Variants in TENM2 observed in about 807,000 individuals in gnomAD.
TENM2 encodes the protein teneurin-2.
TENM2 carries 52 observed loss-of-function variants against 245.2 expected under a neutral mutation model. The observed-to-expected ratio is 0.21, with a 90% CI of 0.17 to 0.27. The LOEUF (loss-of-function observed/expected upper bound fraction) is 0.27. TENM2 is among the 10% of genes least tolerant of loss of function. The probability of loss-of-function intolerance (pLI) is 1.00; values close to 1 mark genes in which losing one functional copy is unlikely to be tolerated. For synonymous variants in TENM2, 1,363 were observed against 1,438.9 expected (o/e 0.95, Z 1.19); for missense variants, 3,046 against 3,666.8 (o/e 0.83, Z 4.37).
At chr5:167,211,456 A>G in the TENM2 span, among the ~76,000 whole-genome samples, 1 of 152,196 alleles carries the variant, frequency 6.6e-6, no homozygotes, top group African/African-American at 2.4e-5. Context: ...TTTATAATAC[A>G]TTTAGGCATA....
chr5:168,059,958 A>G (rs545957388), intron 6 of TENM2, among the ~76,000 whole-genome samples: 3 of 152,230 alleles, frequency 2.0e-5, no homozygotes, highest in African/African-American at 7.2e-5. Flanking sequence ...AAGCAGAGCA[A>G]GATACATTTA....
At chr5:167,996,121 G>A (rs1784031045) in intron 5 of TENM2, among the ~76,000 whole-genome samples, 1 of 152,126 alleles carries the variant, frequency 6.6e-6, no homozygotes, top group Non-Finnish European at 1.5e-5. Flanking sequence ...CCCGAAGAAA[G>A]AAGACTTTCC....
At chr5:168,217,396 TGTTA>T (rs1763293606) in intron 22 of TENM2, among the ~76,000 whole-genome samples, 1 of 152,196 alleles carries the variant, frequency 6.6e-6, no homozygotes, top group Admixed American at 6.5e-5. Flanking sequence ...TAGTTTGGGC[TGTTA>T]GAGAGGCAGA....
chr5:166,997,583 C>T, the TENM2 span, among the ~76,000 whole-genome samples: 3 of 152,054 alleles, frequency 2.0e-5, no homozygotes, highest in East Asian at 1.9e-4. Context: ...TTAACTAAAA[C>T]GTAAAGAATT....
At chr5:167,089,299 T>C in the TENM2 span, among the ~76,000 whole-genome samples, 1 of 152,236 alleles carries the variant, frequency 6.6e-6, no homozygotes, top group Non-Finnish European at 1.5e-5. Context: ...ATTACTGTGA[T>C]AGCATATAAC....
upstream of TENM2, among the ~76,000 whole-genome samples, chr5:167,281,849 A>C (rs1257591053): frequency 6.6e-6 from 1 of 151,896 alleles, no homozygotes; most frequent in Non-Finnish European, 1.5e-5. Flanking sequence ...AAATACAAGA[A>C]ATTAGCCAAG....
At chr5:167,294,095 A>G (rs1388483471) in intron 1 of TENM2, among the ~76,000 whole-genome samples, 1 of 152,098 alleles carries the variant, frequency 6.6e-6, no homozygotes, top group Non-Finnish European at 1.5e-5. Context: ...CTTTCTTGCA[A>G]CTGATGGGGT....
chr5:167,718,774 T>A (rs1759432696), intron 2 of TENM2, among the ~76,000 whole-genome samples: 1 of 147,752 alleles, frequency 6.8e-6, no homozygotes, highest in South Asian at 2.2e-4. Flanking sequence ...TTGGGTTGGA[T>A]TTTTTTTTTT....
intron 2 of TENM2, among the ~76,000 whole-genome samples, chr5:167,641,201 TA>T (rs1779592113): frequency 6.6e-6 from 1 of 152,006 alleles, no homozygotes; most frequent in Non-Finnish European, 1.5e-5. Context: ...TTGCAAAACC[TA>T]AAAGTTAATA....
intron 3 of TENM2, among the ~76,000 whole-genome samples, chr5:167,888,656 T>A (rs1042264643): frequency 5.9e-5 from 9 of 152,200 alleles, no homozygotes; most frequent in African/African-American, 2.2e-4. Flanking sequence ...AGAATCCAAA[T>A]AAACTAGTTA....
At chr5:167,364,636 A>C (rs995653760) in intron 1 of TENM2, among the ~76,000 whole-genome samples, 2 of 152,090 alleles carry the variant, frequency 1.3e-5, no homozygotes, top group African/African-American at 4.8e-5. Flanking sequence ...TTTATTGCTT[A>C]CAATAAAAAT....
At chr5:168,168,415 C>T (rs1346124298) in intron 13 of TENM2, among the ~76,000 whole-genome samples, 1 of 152,114 alleles carries the variant, frequency 6.6e-6, no homozygotes, top group Non-Finnish European at 1.5e-5. Flanking sequence ...CATGGTGGCT[C>T]ACGCCCGTAA....
At chr5:167,215,947 C>T in the TENM2 span, among the ~76,000 whole-genome samples, 2 of 152,066 alleles carry the variant, frequency 1.3e-5, no homozygotes, top group Non-Finnish European at 2.9e-5. Context: ...TTAAAATGTA[C>T]AATTCAGTGA....
intron 5 of TENM2, among the ~76,000 whole-genome samples, chr5:168,043,766 G>C (rs1271029147): frequency 1.3e-5 from 2 of 152,178 alleles, no homozygotes; most frequent in Non-Finnish European, 2.9e-5. Flanking sequence ...CTTCACTGAA[G>C]ACCCAGAATG....
chr5:167,256,737 T>C, the TENM2 span, among the ~76,000 whole-genome samples: 4 of 152,180 alleles, frequency 2.6e-5, no homozygotes. Context: ...AAGAGGATAA[T>C]ATATTTGGAT....
chr5:167,100,548 G>A, the TENM2 span, among the ~76,000 whole-genome samples: 1 of 152,130 alleles, frequency 6.6e-6, no homozygotes, highest in Non-Finnish European at 1.5e-5. Flanking sequence ...CATTGTTTTT[G>A]ATAAACGGAT....
intron 1 of TENM2, among the ~76,000 whole-genome samples, chr5:167,319,076 CA>C (rs1756556511): frequency 6.6e-6 from 1 of 152,048 alleles, no homozygotes; most frequent in Admixed American, 6.6e-5. Flanking sequence ...TACAGTTGGC[CA>C]ATTTAAAATG....
At chr5:167,450,343 T>C (rs1318240772) in intron 2 of TENM2, among the ~76,000 whole-genome samples, 1 of 152,174 alleles carries the variant, frequency 6.6e-6, no homozygotes, top group African/African-American at 2.4e-5. Context: ...CCTTAACACA[T>C]GCAGTCATAT....
At chr5:167,491,378 T>C (rs1031470533) in intron 2 of TENM2, among the ~76,000 whole-genome samples, 25 of 151,890 alleles carry the variant, frequency 1.6e-4, no homozygotes, top group African/African-American at 5.8e-4. Context: ...TGATATCCAG[T>C]TAATTGGTGC....
Sources: gnomAD v4.1 joint callset for allele counts (sites outside exome capture counted in the v4.1 genomes callset) on GRCh38, gnomAD v4.1.1 for gene constraint, MANE v1.5 for transcripts, NCBI Gene and HGNC (gene_info 2026-07-23, HGNC 2026-07-21) for gene names.